The following CYP3A5 variants were observed in gnomAD, a reference collection of about 807,000 sequenced individuals.
CYP3A5 encodes cytochrome P450 3A5.
Under a neutral mutation model 55.9 loss-of-function variants are expected in CYP3A5, and 51 were observed. That is an observed-to-expected ratio of 0.91 (90% CI 0.73 to 1.15). The LOEUF is 1.15. Among genes scored for constraint, CYP3A5 ranks in the 50% most tolerant of loss-of-function variants. The probability of loss-of-function intolerance (pLI) is 0.00; values close to 1 mark genes in which losing one functional copy is unlikely to be tolerated. For missense variants in CYP3A5, 533 were observed against 596.6 expected, an observed-to-expected ratio of 0.89 and a Z score of 1.11; for synonymous variants, 196 against 213.9, an observed-to-expected ratio of 0.92 and a Z score of 0.73.
chr7:99,652,839 C>A, intron 10 of CYP3A5, 60 bp from the exon 11 acceptor site: 1 of 1,261,958 alleles, frequency 7.9e-7, no homozygotes, highest in Non-Finnish European at 1.1e-6. Context: ...TCAACTGAGT[C>A]CATGCAGTAC....
intron 9 of CYP3A5, among the ~76,000 whole-genome samples, chr7:99,661,638 C>T (rs1482476476): frequency 2.0e-5 from 3 of 152,166 alleles, no homozygotes; most frequent in African/African-American, 7.2e-5. Context: ...AAATATGGTG[C>T]CTGCAGCAAT....
At chr7:99,656,357 G>C (rs1809734281) in intron 10 of CYP3A5, among the ~76,000 whole-genome samples, 1 of 152,180 alleles carries the variant, frequency 6.6e-6, no homozygotes, top group South Asian at 2.1e-4. Flanking sequence ...TTTTGTCGTT[G>C]GTTCTGTTTA....
intron 9 of CYP3A5, 65 bp from the exon 10 acceptor site, chr7:99,660,724 A>C: frequency 5.2e-6 from 8 of 1,547,784 alleles, no homozygotes; most frequent in African/African-American, 1.4e-5. Context: ...GCTTAGATGA[A>C]ATCTAAGTGA....
At position 99,665,153 on chromosome 7, in the gene CYP3A5, A is replaced by G. The variant is rs779174319; in HGVS notation, c.670+13T>C. 6.3e-7 allele frequency: 1 copy of G among 1,576,376 alleles called. No individual in the cohort carries two copies. Among genetic ancestry groups the G allele is most frequent in the Non-Finnish European group, 8.6e-7 (1 of 1,158,604 alleles). On this transcript the variant is annotated intron_variant, in intron 7 of 12. Transcript: ENST00000222982. ...ATTTTTAAAAAGAGAGAAAGAAATA[A>G]TAGCCCACATACTTATTGAGAGAAA...
At chr7:99,651,173 T>TAA (rs1178720093) in intron 11 of CYP3A5, among the ~76,000 whole-genome samples, 1 of 152,166 alleles carries the variant, frequency 6.6e-6, no homozygotes, top group Admixed American at 6.5e-5. Flanking sequence ...GAACCAGTGA[T>TAA]AGATATATGG....
intron 8 of CYP3A5, chr7:99,663,322 C>T (rs777025967): frequency 6.1e-5 from 61 of 994,624 alleles, no homozygotes; most frequent in Non-Finnish European, 7.1e-5. Context: ...GGAGCATTTT[C>T]AAATATTCCA....
At chr7:99,677,089 T>C in intron 1 of CYP3A5, 1 of 730,520 alleles carries the variant, frequency 1.4e-6, no homozygotes, top group South Asian at 6.2e-5. Flanking sequence ...GTACGTGAAG[T>C]ATCTCTGAGG....
At chr7:99,664,132 G>A (rs575570800) in intron 7 of CYP3A5, 37 bp from the exon 8 acceptor site, 2 of 1,510,254 alleles carry the variant, frequency 1.3e-6, no homozygotes, top group East Asian at 4.7e-5. Flanking sequence ...GGAAATCATT[G>A]AAAATGCAAA....
rs373715930 is a variant in CYP3A5 at position 99,662,054 on chromosome 7, G to A, written c.865+762C>T. Among the ~76,000 whole-genome samples the A allele has an allele frequency of 5.3e-5, 8 of 152,294 alleles. No homozygotes were observed. In the East Asian group the frequency reaches 1.2e-3, roughly 22 times the overall value. The stretch of plus-strand genomic sequence containing the variant: ...TGTTGAGATAGATAGATGATTAATT[G>A]ATAAATTATAGGCAGATAGATGATT... On this transcript the variant is annotated intron_variant, in intron 9 of 12. Coordinates refer to ENST00000222982, the MANE Select transcript of CYP3A5 (RefSeq NM_000777.5). This position sits in a 1 kb window ranked among gnomAD's most constrained non-coding sequence, Gnocchi z 4.3.
At chr7:99,674,741 A>G (rs111613785) in intron 2 of CYP3A5, among the ~76,000 whole-genome samples, 156 bp from the exon 3 acceptor site, 19 of 152,230 alleles carry the variant, frequency 1.2e-4, no homozygotes, top group African/African-American at 3.9e-4. Flanking sequence ...TAAGGGAAAG[A>G]CAAGAAAACA....
chr7:99,668,666 C>T (rs1811273634), intron 4 of CYP3A5, among the ~76,000 whole-genome samples: 1 of 152,176 alleles, frequency 6.6e-6, no homozygotes, highest in African/African-American at 2.4e-5. Flanking sequence ...TTAAAATTAA[C>T]TAACAAAGAG....
chr7:99,671,721 T>C (rs552744915), intron 4 of CYP3A5: 1 of 668,490 alleles, frequency 1.5e-6, no homozygotes, highest in Non-Finnish European at 2.7e-6. Flanking sequence ...AAAGGAAATA[T>C]TAATACATTG....
At position 99,648,321 on chromosome 7, in the gene CYP3A5, G is replaced by T. The variant is rs749945666; in HGVS notation, c.1493C>A (p.Thr498Asn). The T allele has an allele frequency of 5.6e-6, 9 of 1,612,938 alleles. No homozygotes were observed. The East Asian group carries it at 2.0e-4, about 36-fold the overall frequency. ...IVLKVDSRDG[T>N]LSGE ...TAGAATAACTCATTCTCCACTTAGG[G>T]TTCCATCTCTTGAATCCACCTTTAG... Residue 498 changes from threonine (T) to asparagine (N), a missense_variant, in exon 13 of 13, where the codon ACC (threonine) becomes AAC (asparagine). Thr to Asn is a moderately conservative substitution (Grantham distance 65). Coordinates refer to ENST00000222982, the MANE Select transcript of CYP3A5 (RefSeq NM_000777.5).
At chr7:99,652,831 A>C in intron 10 of CYP3A5, 52 bp from the exon 11 acceptor site, 6 of 1,391,230 alleles carry the variant, frequency 4.3e-6, no homozygotes, top group Non-Finnish European at 6.0e-6. Flanking sequence ...ATTAACTCTC[A>C]ACTGAGTCCA....
At chr7:99,654,160 C>T (rs1403901335) in intron 10 of CYP3A5, among the ~76,000 whole-genome samples, 2 of 152,030 alleles carry the variant, frequency 1.3e-5, no homozygotes, top group African/African-American at 4.8e-5. Context: ...ATACCTATGC[C>T]ATGTTGGTGT....
At chr7:99,677,397 C>G (rs1415535380) in intron 1 of CYP3A5, among the ~76,000 whole-genome samples, 1 of 152,210 alleles carries the variant, frequency 6.6e-6, no homozygotes, top group Non-Finnish European at 1.5e-5. Flanking sequence ...TATGTACTTT[C>G]AGCTAAAAGA....
chr7:99,675,911 T>C (rs549073469), intron 2 of CYP3A5, among the ~76,000 whole-genome samples: 18 of 151,130 alleles, frequency 1.2e-4, no homozygotes, highest in African/African-American at 4.4e-4. Flanking sequence ...GCCCAGGCTG[T>C]TCTCAAACTC....
At chr7:99,665,477 T>C (rs1458302163) in intron 6 of CYP3A5, among the ~76,000 whole-genome samples, 163 bp from the exon 7 acceptor site, 2 of 152,224 alleles carry the variant, frequency 1.3e-5, no homozygotes, top group Non-Finnish European at 2.9e-5. Flanking sequence ...AGAAGGTGGT[T>C]ATCTGGTGCC....
At chr7:99,660,414 AT>A in intron 10 of CYP3A5, 84 bp downstream of exon 10, 1 of 1,492,400 alleles carries the variant, frequency 6.7e-7, no homozygotes, top group Non-Finnish European at 8.9e-7. Flanking sequence ...TATGCTTTTT[AT>A]AAAAATTCTC....
Sources: allele counts gnomAD v4.1 joint callset (sites outside exome capture counted in the v4.1 genomes callset), GRCh38; gene constraint gnomAD v4.1.1; non-coding constraint Gnocchi (gnomAD v3.1); transcripts MANE v1.5; gene names NCBI Gene and HGNC (gene_info 2026-07-23, HGNC 2026-07-21).